PEBP4: variants seen among roughly 807,000 people sequenced by gnomAD.
The protein encoded by PEBP4 is phosphatidylethanolamine binding protein 4.
Under a neutral mutation model 23.9 loss-of-function variants are expected in PEBP4, and 22 were observed. The observed-to-expected ratio is 0.92, with a 90% CI of 0.66 to 1.31. The LOEUF (loss-of-function observed/expected upper bound fraction) is 1.31, where lower values mean the gene tolerates loss of function less well. Ranked by LOEUF, PEBP4 falls within the 40% of genes most tolerant of loss-of-function variation. The pLI, the probability that PEBP4 is intolerant of heterozygous loss-of-function variation, is 0.00. For missense variants in PEBP4, 324 were observed against 281.7 expected, an observed-to-expected ratio of 1.15 and a Z score of -1.07; for synonymous variants, 112 against 99.3, an observed-to-expected ratio of 1.13 and a Z score of -0.76.
chr8:22,879,697 G>A lies in PEBP4; in HGVS notation c.258+40487C>T, dbSNP rs558643925. Among the ~76,000 whole-genome samples, 29 of 152,240 alleles carry A rather than the reference G, an allele frequency of 1.9e-4. No individual in the cohort carries two copies. The East Asian group carries it at 4.1e-3, about 21-fold the overall frequency. On this transcript the variant is annotated intron_variant, in intron 3 of 6. Coordinates refer to ENST00000256404, the MANE Select transcript of PEBP4 (RefSeq NM_144962.3). Reference sequence around the variant, plus strand: ...AGCCTGCCCAGGGGTGCTTCACACCGGGGGAGGTGTGATTTCAGGCCTTAA... The same window carrying A: ...AGCCTGCCCAGGGGTGCTTCACACCAGGGGAGGTGTGATTTCAGGCCTTAA...
Position 22,845,029 on chromosome 8 carries a change from G to C in PEBP4, c.259-27294C>G, listed in dbSNP as rs145702866. ...GGGCCCCCAGGAGCTAATTTACCCA[G>C]GATGCAAAGGGGAGAGCAGCAGTAT... On this transcript the variant is annotated intron_variant, in intron 3 of 6. Coordinates refer to ENST00000256404, the MANE Select transcript of PEBP4 (RefSeq NM_144962.3). 3.2e-3 allele frequency among the ~76,000 whole-genome samples: 494 copies of C among 152,356 alleles called. 4 individuals are homozygous for C. The highest frequency in any genetic ancestry group is 0.011 in the African/African-American group (469 of 41,576).
chr8:22,839,222 C>G (rs976000761), intron 3 of PEBP4, among the ~76,000 whole-genome samples: 6 of 152,070 alleles, frequency 3.9e-5, no homozygotes, highest in African/African-American at 1.4e-4. Context: ...GCGGCTCAGT[C>G]TTTAGGACGT....
intron 3 of PEBP4, among the ~76,000 whole-genome samples, chr8:22,890,575 C>G (rs1808473110): frequency 6.6e-6 from 1 of 152,234 alleles, no homozygotes; most frequent in Non-Finnish European, 1.5e-5. Context: ...GTGGGGCACA[C>G]CTTCATAGTG....
rs565192666 is a variant in PEBP4 at position 22,794,508 on chromosome 8, T to C, written c.357+23129A>G. 2.0e-5 allele frequency among the ~76,000 whole-genome samples: 3 copies of C among 152,308 alleles called. No homozygotes were observed. The East Asian group carries it at 5.8e-4, about 29-fold the overall frequency. ...CCATGTTGGCTACCCTGGTCTCGAA[T>C]TCCTGGCCTCAAGTAATATGCCCGC... On this transcript the variant is annotated intron_variant, in intron 4 of 6. Transcript: ENST00000256404.
chr8:22,743,301 G>A (rs1287101673), intron 4 of PEBP4, among the ~76,000 whole-genome samples: 1 of 151,734 alleles, frequency 6.6e-6, no homozygotes, highest in Non-Finnish European at 1.5e-5. Flanking sequence ...AGCTCCCTTT[G>A]GGGGAGAAAC....
chr8:22,718,649 C>T (rs903687447), intron 6 of PEBP4, among the ~76,000 whole-genome samples: 1 of 152,026 alleles, frequency 6.6e-6, no homozygotes, highest in African/African-American at 2.4e-5. Context: ...AGGAAGAGCG[C>T]CTCCTGCCAC....
At chr8:22,729,303 G>A (rs921869563) in intron 4 of PEBP4, among the ~76,000 whole-genome samples, 6 of 152,264 alleles carry the variant, frequency 3.9e-5, no homozygotes, top group Admixed American at 2.0e-4. Flanking sequence ...AGCCTGGTCT[G>A]CCCTGAGCTC....
intron 3 of PEBP4, among the ~76,000 whole-genome samples, chr8:22,853,564 G>A (rs1478237513): frequency 6.6e-6 from 1 of 152,236 alleles, no homozygotes; most frequent in African/African-American, 2.4e-5. Flanking sequence ...GCTGATCAGA[G>A]TTAGGTAGGA....
chr8:22,934,101 A>G (rs1252141978), intron 1 of PEBP4, among the ~76,000 whole-genome samples: 1 of 152,226 alleles, frequency 6.6e-6, no homozygotes, highest in Non-Finnish European at 1.5e-5. Context: ...CTGGAACTGC[A>G]TTCTATTCAT....
At chr8:22,881,531 A>G (rs1405588758) in intron 3 of PEBP4, among the ~76,000 whole-genome samples, 1 of 152,154 alleles carries the variant, frequency 6.6e-6, no homozygotes, top group East Asian at 1.9e-4. Context: ...CAGTGCCTAG[A>G]GCCATGCCAG....
At chr8:22,890,932 G>C (rs1808479559) in intron 3 of PEBP4, among the ~76,000 whole-genome samples, 1 of 152,142 alleles carries the variant, frequency 6.6e-6, no homozygotes, top group African/African-American at 2.4e-5. Flanking sequence ...AGGTTCAAGT[G>C]ATTCTCCTGC....
intron 5 of PEBP4, among the ~76,000 whole-genome samples, 187 bp from the exon 6 acceptor site, chr8:22,725,143 T>G: frequency 6.7e-6 from 1 of 149,852 alleles, no homozygotes; most frequent in Non-Finnish European, 1.5e-5. Context: ...GTACATATTT[T>G]GGTGGGGGTG....
intron 3 of PEBP4, among the ~76,000 whole-genome samples, chr8:22,828,791 A>G (rs1201031855): frequency 1.3e-5 from 2 of 152,150 alleles, no homozygotes; most frequent in East Asian, 1.9e-4. Flanking sequence ...TTTAGCAAAC[A>G]TGTGGAACAG....
intron 4 of PEBP4, among the ~76,000 whole-genome samples, chr8:22,782,406 A>G (rs2128755479): frequency 6.6e-6 from 1 of 152,342 alleles, no homozygotes; most frequent in Non-Finnish European, 1.5e-5. Flanking sequence ...GCATGGTTCA[A>G]GTCCTTGAGA....
intron 3 of PEBP4, among the ~76,000 whole-genome samples, chr8:22,883,794 G>A (rs569055156): frequency 1.9e-4 from 29 of 152,132 alleles, no homozygotes; most frequent in African/African-American, 7.0e-4. Flanking sequence ...TATATCACAG[G>A]GCCTCATTGT....
chr8:22,726,727 C>A (rs949948842), intron 5 of PEBP4, among the ~76,000 whole-genome samples: 1 of 152,208 alleles, frequency 6.6e-6, no homozygotes, highest in Non-Finnish European at 1.5e-5. Flanking sequence ...GGTGCCCAAG[C>A]CCACGCTGCT....
chr8:22,800,195 G>T (rs1806354335), intron 4 of PEBP4, among the ~76,000 whole-genome samples: 1 of 152,150 alleles, frequency 6.6e-6, no homozygotes, highest in Non-Finnish European at 1.5e-5. Context: ...CCTAAACAAT[G>T]CTTGCTGTGT....
intron 3 of PEBP4, among the ~76,000 whole-genome samples, chr8:22,851,518 A>G (rs1482523729): frequency 1.3e-5 from 2 of 152,174 alleles, no homozygotes; most frequent in Admixed American, 1.3e-4. Flanking sequence ...AACTGAGCTC[A>G]GGAAAGCTAA....
At chr8:22,939,479 G>C (rs531842720) in intron 1 of PEBP4, among the ~76,000 whole-genome samples, 5 of 151,990 alleles carry the variant, frequency 3.3e-5, no homozygotes, top group Non-Finnish European at 7.4e-5. Flanking sequence ...ATAGATAACT[G>C]TTTGTTTAAA....
Sources: allele counts gnomAD v4.1 joint callset (sites outside exome capture counted in the v4.1 genomes callset), GRCh38; gene constraint gnomAD v4.1.1; transcripts MANE v1.5; gene names NCBI Gene and HGNC (gene_info 2026-07-23, HGNC 2026-07-21).